Variants in KIAA0319 observed in about 807,000 individuals in gnomAD.
The protein encoded by KIAA0319 is dyslexia-associated protein KIAA0319.
Under a neutral mutation model 108.4 loss-of-function variants are expected in KIAA0319, and 83 were observed. The ratio of observed to expected loss-of-function variants is 0.77; its 90% CI spans 0.64 to 0.92. KIAA0319 has a LOEUF of 0.92. Ranked by LOEUF, KIAA0319 falls within the 40% of genes least tolerant of loss-of-function variation. The pLI is 0.00. For synonymous variants in KIAA0319, 484 were observed against 510.4 expected, an observed-to-expected ratio of 0.95 and a Z score of 0.70; for missense variants, 1,195 against 1,322.4, an observed-to-expected ratio of 0.90 and a Z score of 1.49.
At chr6:24,634,120 A>G (rs984015149) in intron 1 of KIAA0319, among the ~76,000 whole-genome samples, 23 of 152,380 alleles carry the variant, frequency 1.5e-4, no homozygotes, top group Admixed American at 9.1e-4. Flanking sequence ...CATTCTCCAA[A>G]TAGCATTTAT....
intron 19 of KIAA0319, among the ~76,000 whole-genome samples, chr6:24,552,025 T>C (rs77600926): frequency 4.6e-5 from 7 of 151,984 alleles, no homozygotes; most frequent in Admixed American, 3.9e-4. Context: ...TTTTTTTTTT[T>C]CCTCAACACA....
intron 20 of KIAA0319, among the ~76,000 whole-genome samples, chr6:24,548,684 G>GA (rs1382668939): frequency 6.6e-6 from 1 of 152,098 alleles, no homozygotes; most frequent in African/African-American, 2.4e-5. Flanking sequence ...GGAATATTTA[G>GA]AAAAAAACTG....
intron 1 of KIAA0319, among the ~76,000 whole-genome samples, chr6:24,627,443 T>TTCCC (rs1379087906): frequency 1.4e-5 from 2 of 144,226 alleles, no homozygotes; most frequent in Non-Finnish European, 3.0e-5. Context: ...AGTGAGCATT[T>TTCCC]TCCCTCCCTC....
rs771125406 is a variant in KIAA0319 at position 24,554,670 on chromosome 6, C to T, written c.2858-39G>A. The T allele has an allele frequency of 4.3e-6, 6 of 1,381,876 alleles. No individual in the cohort carries two copies. In the East Asian group the frequency reaches 9.1e-5, roughly 21 times the overall value. 85.6% of individuals were successfully genotyped at this position (1,381,876 alleles called of 1,614,324 possible). A position where few individuals can be genotyped will look rare whatever the true frequency, so the allele number is the denominator to read the frequency against. On this transcript the variant is annotated intron_variant, in intron 18 of 20. Coordinates refer to ENST00000378214, the MANE Select transcript of KIAA0319 (RefSeq NM_014809.4). The stretch of plus-strand genomic sequence containing the variant: ...AAACCAAAGTGGACATAGTTACAGG[C>T]TATTTGTAGAACAACTTTATTTTGA...
chr6:24,621,422 A>G (rs73727190), intron 1 of KIAA0319, among the ~76,000 whole-genome samples: 3,377 of 152,310 alleles, frequency 0.022, 125 homozygotes, highest in African/African-American at 0.076. Flanking sequence ...TCATGGAGAC[A>G]AGAACCACCA....
intron 16 of KIAA0319, among the ~76,000 whole-genome samples, chr6:24,560,146 A>G (rs1762907234): frequency 6.6e-6 from 1 of 152,218 alleles, no homozygotes; most frequent in East Asian, 1.9e-4. Context: ...GGCTATTATG[A>G]ATTTGTGCTA....
downstream of KIAA0319, among the ~76,000 whole-genome samples, chr6:24,541,121 T>A (rs1760179972): frequency 6.6e-6 from 1 of 152,214 alleles, no homozygotes; most frequent in South Asian, 2.1e-4. Flanking sequence ...TTTTAAACTT[T>A]CCTTTCACTA....
chr6:24,591,108 T>C (rs755449498), intron 3 of KIAA0319, among the ~76,000 whole-genome samples: 1 of 152,234 alleles, frequency 6.6e-6, no homozygotes, highest in Non-Finnish European at 1.5e-5. Context: ...CTTTATCCTC[T>C]ACAAGTTTGA....
At chr6:24,607,495 C>A (rs1041955996) in intron 1 of KIAA0319, among the ~76,000 whole-genome samples, 2 of 151,786 alleles carry the variant, frequency 1.3e-5, no homozygotes, top group Admixed American at 6.6e-5. Context: ...AAAGCAGACA[C>A]CTACAGTGAG....
chr6:24,600,615 T>G, intron 2 of KIAA0319: 1 of 1,489,388 alleles, frequency 6.7e-7, no homozygotes, highest in Non-Finnish European at 9.1e-7. Context: ...CTTGGTATAC[T>G]CACATGGGCT....
chr6:24,592,797 C>A (rs1256497490), intron 3 of KIAA0319, among the ~76,000 whole-genome samples: 1 of 152,206 alleles, frequency 6.6e-6, no homozygotes, highest in South Asian at 2.1e-4. Context: ...ATAGCGAAAT[C>A]CCATCTCTAC....
At position 24,601,120 on chromosome 6, in the gene KIAA0319, G is replaced by A. The variant is rs374350083; in HGVS notation, c.-17C>T. The A allele has an allele frequency of 1.9e-6, 3 of 1,613,682 alleles. No homozygotes were observed. In the African/African-American group the frequency reaches 4.0e-5, roughly 22 times the overall value. The stretch of plus-strand genomic sequence containing the variant: ...GGGCGCCATTGTGCACCACACAGTG[G>A]GTGATGGCAGGCTTCTGAGGCGGCC... On this transcript the variant is annotated 5_prime_UTR_variant, in exon 2 of 21. Coordinates refer to ENST00000378214, the MANE Select transcript of KIAA0319 (RefSeq NM_014809.4).
chr6:24,588,346 C>T (rs202228507), intron 4 of KIAA0319, among the ~76,000 whole-genome samples: 1 of 152,332 alleles, frequency 6.6e-6, no homozygotes, highest in East Asian at 1.9e-4. Context: ...CCTCTCACAG[C>T]ACTTACCATA....
chr6:24,637,570 T>C (rs570120536), intron 1 of KIAA0319, among the ~76,000 whole-genome samples: 53 of 152,244 alleles, frequency 3.5e-4, no homozygotes, highest in Non-Finnish European at 6.5e-4. Flanking sequence ...GTGGCTGTTA[T>C]CATCAGTTAC....
chr6:24,551,424 A>T lies in KIAA0319; in HGVS notation c.3040+10T>A. On this transcript the variant is annotated intron_variant, in intron 20 of 20. Coordinates refer to ENST00000378214, the MANE Select transcript of KIAA0319 (RefSeq NM_014809.4). ...AAGGTGCCAGGCAGTCATTCTGCAG[A>T]CTGTCTTACCATATTTGGGCCTCAG... is the stretch of plus-strand genomic sequence containing the variant. The T allele has an allele frequency of 6.3e-7, 1 of 1,580,578 alleles. No individual in the cohort carries two copies. Among genetic ancestry groups the T allele is most frequent in the Non-Finnish European group, 8.7e-7 (1 of 1,149,238 alleles).
Position 24,584,851 on chromosome 6 carries a change from A to G in KIAA0319, c.995-1149T>C, listed in dbSNP as rs150290402. Among the ~76,000 whole-genome samples, 959 of 152,372 alleles carry G rather than the reference A, an allele frequency of 6.3e-3. 8 individuals are homozygous for G. The highest frequency in any genetic ancestry group is 0.041 in the Middle Eastern group (12 of 294). ...GGCTTTAAAATGATCAATTCATTTA[A>G]TCCTCATTACAACTGTATGCAGTAG... On this transcript the variant is annotated intron_variant, in intron 4 of 20. Transcript: ENST00000378214.
At chr6:24,598,248 G>C (rs1770050120) in intron 2 of KIAA0319, 2 of 596,754 alleles carry the variant, frequency 3.4e-6, no homozygotes, top group Non-Finnish European at 6.1e-6. Flanking sequence ...ACTAGAGCCT[G>C]CTGAGCCCCC....
intron 10 of KIAA0319, among the ~76,000 whole-genome samples, chr6:24,574,068 T>C (rs2127467487): frequency 6.6e-6 from 1 of 152,210 alleles, no homozygotes; most frequent in South Asian, 2.1e-4. Flanking sequence ...TGAGCCAAGA[T>C]GGTGCCACTG....
intron 1 of KIAA0319, chr6:24,645,517 T>G (rs1056944896): frequency 6.6e-6 from 1 of 152,102 alleles, no homozygotes; most frequent in African/African-American, 2.4e-5. Context: ...ATTCGTGAGG[T>G]TGGGAAAAGA....
Sources: allele counts gnomAD v4.1 joint callset (sites outside exome capture counted in the v4.1 genomes callset), GRCh38; gene constraint gnomAD v4.1.1; transcripts MANE v1.5; gene names NCBI Gene and HGNC (gene_info 2026-07-23, HGNC 2026-07-21).